The following TENM4 variants were observed in gnomAD, a reference collection of about 807,000 sequenced individuals.
TENM4 encodes the protein teneurin-4.
In TENM4, 82 loss-of-function variants were observed where a neutral mutation model predicts 243.3. The ratio of observed to expected loss-of-function variants is 0.34; its 90% CI spans 0.28 to 0.40. TENM4 has a LOEUF of 0.40. Among genes scored for constraint, TENM4 ranks in the 10% least tolerant of loss-of-function variants. The pLI is 1.00. For missense variants in TENM4, 3,138 were observed against 3,673.3 expected, an observed-to-expected ratio of 0.85 and a Z score of 3.77; for synonymous variants, 1,412 against 1,456.3, an observed-to-expected ratio of 0.97 and a Z score of 0.69.
intron 6 of TENM4, among the ~76,000 whole-genome samples, chr11:78,905,391 A>C (rs949929733): frequency 2.0e-5 from 3 of 152,140 alleles, no homozygotes; most frequent in African/African-American, 7.2e-5. Flanking sequence ...TCTGGTGGGG[A>C]ATTCGGGAAA....
At chr11:79,362,396 C>G (rs1857605939) in intron 1 of TENM4, among the ~76,000 whole-genome samples, 2 of 152,338 alleles carry the variant, frequency 1.3e-5, no homozygotes, top group African/African-American at 4.8e-5. Flanking sequence ...ATAGGATGCT[C>G]TAATCAGTGG....
At chr11:79,088,507 C>T (rs1327056543) in intron 4 of TENM4, among the ~76,000 whole-genome samples, 2 of 152,168 alleles carry the variant, frequency 1.3e-5, no homozygotes, top group African/African-American at 4.8e-5. Context: ...GTGCCAGGCA[C>T]AATTCACTTA....
At chr11:79,393,238 C>T (rs561068083) in intron 1 of TENM4, among the ~76,000 whole-genome samples, 188 of 152,136 alleles carry the variant, frequency 1.2e-3, no homozygotes, top group African/African-American at 4.3e-3. Context: ...CTCAGAGATC[C>T]TCCTGTTAAA....
At chr11:79,323,435 G>A (rs546842053) in intron 1 of TENM4, among the ~76,000 whole-genome samples, 2 of 152,290 alleles carry the variant, frequency 1.3e-5, no homozygotes, top group Admixed American at 6.5e-5. Context: ...TAATTCCCTG[G>A]GTTGGGGGAC....
chr11:79,163,469 G>A (rs948282083), intron 3 of TENM4, among the ~76,000 whole-genome samples: 11 of 151,778 alleles, frequency 7.2e-5, no homozygotes, highest in African/African-American at 2.2e-4. Flanking sequence ...GTTTTTTAAC[G>A]GAGATTTTGG....
intron 16 of TENM4, among the ~76,000 whole-genome samples, chr11:78,783,475 G>C (rs897788672): frequency 6.6e-6 from 1 of 152,128 alleles, no homozygotes; most frequent in African/African-American, 2.4e-5. Flanking sequence ...TTGGGCTGAT[G>C]GGTGTGCAGT....
At chr11:79,197,228 TATC>T (rs144016648) in intron 3 of TENM4, among the ~76,000 whole-genome samples, 28,047 of 151,940 alleles carry the variant, frequency 0.18, 3,429 homozygotes, top group Non-Finnish European at 0.27. Flanking sequence ...CTTCAAGTGG[TATC>T]ATGCCCATTT....
chr11:79,272,425 T>C (rs1315836079), intron 2 of TENM4, among the ~76,000 whole-genome samples: 1 of 152,248 alleles, frequency 6.6e-6, no homozygotes, highest in Non-Finnish European at 1.5e-5. Flanking sequence ...TCTAAAATAT[T>C]ATAATGTTGC....
intron 1 of TENM4, among the ~76,000 whole-genome samples, chr11:79,415,034 T>TTG (rs1471422777): frequency 9.8e-5 from 15 of 152,312 alleles, no homozygotes; most frequent in African/African-American, 3.6e-4. Context: ...GGTTCCCTCT[T>TTG]CACCCCACCA....
chr11:78,925,705 T>C (rs1186715733), intron 6 of TENM4, among the ~76,000 whole-genome samples: 1 of 152,178 alleles, frequency 6.6e-6, no homozygotes, highest in Non-Finnish European at 1.5e-5. Flanking sequence ...CATGGCTCCG[T>C]GCTACCCTCA....
chr11:79,203,896 A>G (rs1310606869), intron 3 of TENM4, among the ~76,000 whole-genome samples: 1 of 152,256 alleles, frequency 6.6e-6, no homozygotes, highest in African/African-American at 2.4e-5. Context: ...TTGGCAAGAA[A>G]AAGGAATGAA....
intron 2 of TENM4, among the ~76,000 whole-genome samples, chr11:79,282,293 G>A (rs754978241): frequency 1.1e-4 from 16 of 151,982 alleles, no homozygotes; most frequent in Admixed American, 1.3e-4. Flanking sequence ...AGATTGGGTG[G>A]CCCTTAGGAG....
rs1431198955 is a variant in TENM4, at chr11:78,812,228, A to G, written c.1872T>C (p.Asp624=). The G allele has an allele frequency of 6.4e-7, 1 of 1,551,968 alleles. No homozygotes were observed. Among genetic ancestry groups the G allele is most frequent in the South Asian group, 1.2e-5 (1 of 84,066 alleles). ...CHSGWKGAEC[D]VPTNQCIDVA... is the part of the protein sequence containing the mutation. ...CATCGATACACTGGTTGGTGGGCAC[A>G]TCGCACTCAGCGCCTTTCCAGCCAC... The change falls in exon 14 of 34, where the codon GAT becomes GAC. Residue 624 remains aspartate, a synonymous_variant. Coordinates refer to ENST00000278550, the MANE Select transcript of TENM4 (RefSeq NM_001098816.3).
At chr11:78,906,306 A>C (rs1007073921) in intron 6 of TENM4, among the ~76,000 whole-genome samples, 6 of 152,202 alleles carry the variant, frequency 3.9e-5, no homozygotes, top group Admixed American at 3.3e-4. Context: ...ACAAAAGCCA[A>C]ATTCAGTCTA....
At chr11:79,000,446 T>A (rs1241671074) in intron 6 of TENM4, among the ~76,000 whole-genome samples, 1 of 117,728 alleles carries the variant, frequency 8.5e-6, no homozygotes, top group African/African-American at 6.1e-5. Context: ...GTTAGGTTTA[T>A]AATATGTATA....
chr11:79,331,987 T>A (rs1857068797), intron 1 of TENM4, among the ~76,000 whole-genome samples: 2 of 152,224 alleles, frequency 1.3e-5, no homozygotes, highest in South Asian at 4.1e-4. Flanking sequence ...GAGGAGACAA[T>A]GATTTGCATT....
chr11:78,831,998 C>T (rs796260498), intron 12 of TENM4, among the ~76,000 whole-genome samples: 23 of 152,332 alleles, frequency 1.5e-4, no homozygotes, highest in African/African-American at 5.3e-4. Context: ...AAGTCAGGCA[C>T]AGTGCTGGTA....
intron 1 of TENM4, among the ~76,000 whole-genome samples, chr11:79,332,199 C>A (rs1857072225): frequency 6.6e-6 from 1 of 152,116 alleles, no homozygotes; most frequent in Non-Finnish European, 1.5e-5. Flanking sequence ...GCCAAGGTAG[C>A]CCAATGCCAG....
In TENM4 at chr11:78,768,493, T is replaced by TTC. The variant is rs150726919; in HGVS notation, c.2539+2497_2539+2498dup. ...CCACTGCATTGCAATTACTTGCTGT[T>TTC]TCTCTCTCTCTCTAGATTGTGACCT... On this transcript the variant is annotated intron_variant, in intron 18 of 33. Coordinates refer to ENST00000278550, the MANE Select transcript of TENM4 (RefSeq NM_001098816.3). Among the ~76,000 whole-genome samples the TTC allele has an allele frequency of 2.0e-5, 3 of 152,134 alleles. No homozygotes were observed. The East Asian group carries it at 5.8e-4, about 29-fold the overall frequency.
Sources: gnomAD v4.1 joint callset for allele counts (sites outside exome capture counted in the v4.1 genomes callset) on GRCh38, gnomAD v4.1.1 for gene constraint, MANE v1.5 for transcripts, NCBI Gene and HGNC (gene_info 2026-07-23, HGNC 2026-07-21) for gene names.